ERC2: variants seen among roughly 807,000 people sequenced by gnomAD.
The protein encoded by ERC2 is ELKS/RAB6-interacting/CAST family member 2.
A neutral mutation model predicts 114.8 loss-of-function variants in ERC2; 42 were observed. That is an observed-to-expected ratio of 0.37 (90% CI 0.29 to 0.47). The LOEUF (loss-of-function observed/expected upper bound fraction) is 0.47, where lower values mean the gene tolerates loss of function less well. Among genes scored for constraint, ERC2 ranks in the 20% least tolerant of loss-of-function variants. ERC2 has a pLI of 0.99. For synonymous variants in ERC2, 454 were observed against 425.5 expected, an observed-to-expected ratio of 1.07 and a Z score of -0.82; for missense variants, 939 against 1,150.7, an observed-to-expected ratio of 0.82 and a Z score of 2.66.
Position 56,160,134 on chromosome 3 carries a change from A to G in ERC2, c.1150-11002T>C, listed in dbSNP as rs572827918. Among the ~76,000 whole-genome samples the G allele has an allele frequency of 3.9e-5, 6 of 152,224 alleles. No homozygotes were observed. In the South Asian group the frequency reaches 1.2e-3, roughly 32 times the overall value. On this transcript the variant is annotated intron_variant, in intron 4 of 17. Coordinates refer to ENST00000288221, the MANE Select transcript of ERC2 (RefSeq NM_015576.3). Reference sequence around the variant, plus strand: ...CCACCAACAGTGTATAAGCGTTTCCATTTCTCCACAACCTCACTAGCATCT... The same window carrying G: ...CCACCAACAGTGTATAAGCGTTTCCGTTTCTCCACAACCTCACTAGCATCT...
At chr3:56,314,113 C>A (rs1015865632) in intron 2 of ERC2, among the ~76,000 whole-genome samples, 2 of 152,152 alleles carry the variant, frequency 1.3e-5, no homozygotes, top group African/African-American at 4.8e-5. Context: ...ATTAAGATCT[C>A]TGACTATGAC....
chr3:55,535,768 C>T (rs915968683), intron 17 of ERC2, among the ~76,000 whole-genome samples: 8 of 152,124 alleles, frequency 5.3e-5, no homozygotes, highest in African/African-American at 1.2e-4. Context: ...CCAAGGTGGG[C>T]GGATCACCTG....
intron 14 of ERC2, among the ~76,000 whole-genome samples, chr3:55,824,477 T>C (rs2060253743): frequency 6.6e-6 from 1 of 152,242 alleles, no homozygotes; most frequent in East Asian, 1.9e-4. Flanking sequence ...TTAGCATTTA[T>C]ACATTTTTGG....
chr3:55,795,436 C>A (rs1436132174), intron 14 of ERC2, among the ~76,000 whole-genome samples: 1 of 152,188 alleles, frequency 6.6e-6, no homozygotes, highest in African/African-American at 2.4e-5. Flanking sequence ...TGGGATCCTG[C>A]TGTCATAAAA....
At chr3:55,589,265 C>A (rs1392561702) in intron 17 of ERC2, among the ~76,000 whole-genome samples, 2 of 146,384 alleles carry the variant, frequency 1.4e-5, no homozygotes, top group Admixed American at 6.8e-5. Flanking sequence ...AAATCATCAA[C>A]TTCAGCTGGC....
chr3:56,163,441 A>G (rs1575642478), intron 4 of ERC2, among the ~76,000 whole-genome samples: 11 of 152,006 alleles, frequency 7.2e-5, no homozygotes. Flanking sequence ...TGTCTCGATG[A>G]TCTGTCTAAT....
chr3:56,232,468 CT>C (rs1011326912), intron 3 of ERC2, among the ~76,000 whole-genome samples: 83 of 152,214 alleles, frequency 5.5e-4, no homozygotes, highest in African/African-American at 2.0e-3. Context: ...TATAATTTTC[CT>C]TCTTTTATCT....
intron 2 of ERC2, among the ~76,000 whole-genome samples, chr3:56,420,494 G>A (rs140784188): frequency 8.3e-4 from 126 of 151,898 alleles, no homozygotes; most frequent in African/African-American, 2.7e-3. Context: ...TACTTACAAC[G>A]AAAACCATCA....
chr3:56,275,958 C>T (rs1485601031), intron 3 of ERC2, among the ~76,000 whole-genome samples: 1 of 152,138 alleles, frequency 6.6e-6, no homozygotes, highest in Admixed American at 6.5e-5. Flanking sequence ...ACAGTGCTGG[C>T]GTGGTTGAGA....
intron 3 of ERC2, among the ~76,000 whole-genome samples, chr3:56,241,882 A>G (rs1261307152): frequency 6.6e-6 from 1 of 152,208 alleles, no homozygotes. Context: ...TTTGTAAATA[A>G]AGCTGTATTT....
intron 14 of ERC2, among the ~76,000 whole-genome samples, chr3:55,739,520 G>A (rs1165619306): frequency 6.6e-6 from 1 of 152,172 alleles, no homozygotes; most frequent in Non-Finnish European, 1.5e-5. Context: ...GTGATGATGA[G>A]CTTTTTTGAA....
At chr3:55,840,190 G>A (rs1185070779) in intron 14 of ERC2, among the ~76,000 whole-genome samples, 5 of 151,826 alleles carry the variant, frequency 3.3e-5, no homozygotes, top group Non-Finnish European at 7.4e-5. Flanking sequence ...AATAAGTAAA[G>A]CAGTCCCCAC....
At chr3:55,675,899 CTTTCTTTTTTTTTTTTT>C (rs1466746944) in intron 17 of ERC2, among the ~76,000 whole-genome samples, 4 of 58,122 alleles carry the variant, frequency 6.9e-5, no homozygotes, top group African/African-American at 2.1e-4. Flanking sequence ...TTTCTCTTTT[CTTTCTTTTTTTTTTTTT>C]TTTTTTTTTT....
intron 14 of ERC2, among the ~76,000 whole-genome samples, chr3:55,828,304 G>C (rs1238312699): frequency 6.6e-6 from 1 of 152,172 alleles, no homozygotes; most frequent in African/African-American, 2.4e-5. Context: ...GATGTGCCAG[G>C]AGCAACCACA....
chr3:56,360,582 A>G (rs1439564821), intron 2 of ERC2, among the ~76,000 whole-genome samples: 2 of 152,284 alleles, frequency 1.3e-5, no homozygotes, highest in Non-Finnish European at 1.5e-5. Context: ...AAGCAGCAAT[A>G]TAAGAGTTGT....
At chr3:55,647,172 C>T (rs1017660462) in intron 17 of ERC2, 3 of 148,108 alleles carry the variant, frequency 2.0e-5, no homozygotes, top group Non-Finnish European at 4.4e-5. Flanking sequence ...TATTTAGTGA[C>T]CTCCCCTGCC....
chr3:56,205,984 A>G (rs1329459548), intron 3 of ERC2, among the ~76,000 whole-genome samples: 1 of 152,166 alleles, frequency 6.6e-6, no homozygotes, highest in East Asian at 1.9e-4. Flanking sequence ...TTCTGATAGC[A>G]ACTGTTACTC....
intron 15 of ERC2, among the ~76,000 whole-genome samples, chr3:55,726,457 T>G (rs1355094127): frequency 6.6e-6 from 1 of 152,212 alleles, no homozygotes; most frequent in Non-Finnish European, 1.5e-5. Flanking sequence ...GGCTAAACAC[T>G]CCACTCAGGT....
chr3:56,055,599 C>A (rs2075978628), intron 7 of ERC2, among the ~76,000 whole-genome samples: 1 of 152,166 alleles, frequency 6.6e-6, no homozygotes, highest in Non-Finnish European at 1.5e-5. Flanking sequence ...TCAAGCAGAG[C>A]TTTTCCTACT....
Sources: gnomAD v4.1 joint callset for allele counts (sites outside exome capture counted in the v4.1 genomes callset) on GRCh38, gnomAD v4.1.1 for gene constraint, MANE v1.5 for transcripts, NCBI Gene and HGNC (gene_info 2026-07-23, HGNC 2026-07-21) for gene names.